VWA2: variants seen among roughly 807,000 people sequenced by gnomAD.
The protein encoded by VWA2 is von Willebrand factor A domain containing 2.
Under a neutral mutation model 70.4 loss-of-function variants are expected in VWA2, and 73 were observed. The ratio of observed to expected loss-of-function variants is 1.04; its 90% CI spans 0.86 to 1.26. VWA2 has a LOEUF of 1.26. Among genes scored for constraint, VWA2 ranks in the 50% most tolerant of loss-of-function variants. The pLI is 0.00. For missense variants in VWA2, 1,011 were observed against 998.5 expected, an observed-to-expected ratio of 1.01 and a Z score of -0.17; for synonymous variants, 407 against 423.3, an observed-to-expected ratio of 0.96 and a Z score of 0.47.
In VWA2 at chr10:114,289,300, G is replaced by A. The variant is rs144705004; in HGVS notation, c.1933G>A (p.Ala645Thr). Residue 645 changes from alanine (A) to threonine (T), a missense_variant, in exon 12 of 14, where the codon GCA (alanine) becomes ACA (threonine). Physicochemically the swap from Ala to Thr is moderately conservative, Grantham distance 58 (BLOSUM62 0). Transcript: ENST00000392982. ...AVVVLTGGRGAEDAAVPAQKL... is the reference protein window; with the variant it reads ...AVVVLTGGRGTEDAAVPAQKL... ...GGTGGTGCTCACAGGCGGGAGAGGC[G>A]CAGAGGATGCAGCCGTTCCTGCCCA... The A allele has an allele frequency of 5.4e-4, 869 of 1,613,980 alleles. 3 individuals are homozygous for A. In the African/African-American group the frequency reaches 8.9e-3, roughly 17 times the overall value.
Position 114,292,133 on chromosome 10 carries a change from C to T in VWA2, c.*896C>T, listed in dbSNP as rs1291172324. ...CTTTACTAAAAATACAAAAGGTAGC[C>T]GGGGGTGGTGGTGGATGCCTATAAT... On this transcript the variant is annotated 3_prime_UTR_variant, in exon 14 of 14. Coordinates refer to ENST00000392982, the MANE Select transcript of VWA2 (RefSeq NM_001272046.2). Among the ~76,000 whole-genome samples, 2 of 151,814 alleles carry T rather than the reference C, an allele frequency of 1.3e-5. No individual in the cohort carries two copies. The highest frequency in any genetic ancestry group is 2.1e-4 in the South Asian group (1 of 4,794).
intron 7 of VWA2, 108 bp from the exon 8 acceptor site, chr10:114,278,611 T>C: frequency 1.3e-6 from 2 of 1,504,956 alleles, no homozygotes; most frequent in Non-Finnish European, 1.8e-6. Flanking sequence ...AGCCTGGAAG[T>C]GTGGTGGAAC....
At chr10:114,267,034 A>G (rs556637387) in intron 5 of VWA2, among the ~76,000 whole-genome samples, 1 of 152,344 alleles carries the variant, frequency 6.6e-6, no homozygotes, top group South Asian at 2.1e-4. Context: ...CTAAAAGGTA[A>G]CATTTGATTC....
chr10:114,262,378 A>C lies in VWA2; in HGVS notation c.371+1083A>C, dbSNP rs138382983. Among the ~76,000 whole-genome samples, 555 of 151,852 alleles carry C rather than the reference A, an allele frequency of 3.7e-3. 6 individuals carry two copies. The highest frequency in any genetic ancestry group is 0.013 in the African/African-American group (518 of 41,424). ...TGCATATATACATATGCACATATTG[A>C]CACATACATGTATATACATACACAC... On this transcript the variant is annotated intron_variant, in intron 5 of 13. Transcript: ENST00000392982.
chr10:114,250,647 TG>T (rs2037175799), intron 2 of VWA2, among the ~76,000 whole-genome samples: 1 of 152,218 alleles, frequency 6.6e-6, no homozygotes, highest in African/African-American at 2.4e-5. Context: ...GAAATGCTGG[TG>T]GAAGTTGAGG....
In VWA2 at chr10:114,291,352, A is replaced by G. The variant is rs1011340980; in HGVS notation, c.*115A>G. The G allele has an allele frequency of 5.5e-6, 7 of 1,278,632 alleles. No individual in the cohort carries two copies. In the Admixed American group the frequency reaches 1.1e-4, roughly 21 times the overall value. 79.2% of individuals were successfully genotyped at this position (1,278,632 alleles called of 1,614,324 possible). A position where few individuals can be genotyped will look rare whatever the true frequency, so the allele number is the denominator to read the frequency against. Reference sequence around the variant, plus strand: ...TGGAATGTCTGTGCCCCAGGTCCTTAGAATGTCTGCTTCCCGCCGTGGCCA... The same window carrying G: ...TGGAATGTCTGTGCCCCAGGTCCTTGGAATGTCTGCTTCCCGCCGTGGCCA... On this transcript the variant is annotated 3_prime_UTR_variant, in exon 14 of 14. Coordinates refer to ENST00000392982, the MANE Select transcript of VWA2 (RefSeq NM_001272046.2).
chr10:114,268,299 C>A (rs1286635118), intron 5 of VWA2, among the ~76,000 whole-genome samples: 1 of 134,930 alleles, frequency 7.4e-6, no homozygotes, highest in Non-Finnish European at 1.5e-5. Flanking sequence ...AGTAGCTGAT[C>A]TGTGAACCTT....
At chr10:114,277,030 G>T (rs2037860327) in intron 6 of VWA2, among the ~76,000 whole-genome samples, 1 of 152,112 alleles carries the variant, frequency 6.6e-6, no homozygotes, top group African/African-American at 2.4e-5. Flanking sequence ...TGTTTTATGT[G>T]CATTCAGAGG....
Position 114,277,977 on chromosome 10 carries a change from G to C in VWA2, c.630G>C (p.Gln210His). Reference protein sequence around the residue: ...PRGQHVLLAEQVEDATNGLFS... With the variant: ...PRGQHVLLAEHVEDATNGLFS... ...GGCAGCACGTGCTGTTGGCTGAGCA[G>C]GTGGAGGATGCCACCAACGGCCTCT... is the stretch of plus-strand genomic sequence containing the variant. Residue 210 changes from glutamine (Q) to histidine (H), a missense_variant, in exon 7 of 14, where the codon CAG becomes CAC. Transcript: ENST00000392982. 1.9e-6 allele frequency: 3 copies of C among 1,613,122 alleles called. No homozygotes were observed. The South Asian group carries it at 3.3e-5, about 18-fold the overall frequency.
chr10:114,271,783 T>G (rs2037716262), intron 5 of VWA2, among the ~76,000 whole-genome samples: 1 of 152,222 alleles, frequency 6.6e-6, no homozygotes, highest in African/African-American at 2.4e-5. Context: ...CCATCTAGAA[T>G]CTGTGGTTAG....
intron 7 of VWA2, among the ~76,000 whole-genome samples, chr10:114,278,407 C>T (rs759022041): frequency 5.3e-5 from 8 of 152,162 alleles, no homozygotes; most frequent in East Asian, 3.9e-4. Context: ...GCATTCTAGT[C>T]GTCCTTGTCA....
intron 7 of VWA2, among the ~76,000 whole-genome samples, chr10:114,278,393 C>T (rs1269146557): frequency 6.6e-6 from 1 of 152,164 alleles, no homozygotes; most frequent in Non-Finnish European, 1.5e-5. Context: ...GGTGCGAGAT[C>T]CCTGCATTCT....
chr10:114,289,640 C>A, intron 12 of VWA2, 151 bp downstream of exon 12: 1 of 832,140 alleles, frequency 1.2e-6, no homozygotes, highest in East Asian at 2.5e-5. Context: ...CCCATGCTCA[C>A]ATAAAATCCT....
intron 1 of VWA2, chr10:114,246,814 A>G: frequency 1.1e-6 from 1 of 943,122 alleles, no homozygotes; most frequent in South Asian, 1.3e-5. Flanking sequence ...TGCTGCCCTC[A>G]ATCTAGAGCG....
chr10:114,246,723 G>T (rs143643305), intron 1 of VWA2: 1 of 1,528,254 alleles, frequency 6.5e-7, no homozygotes, highest in African/African-American at 1.4e-5. Flanking sequence ...CTTAGGAATC[G>T]TGCAGGGGGA....
At chr10:114,283,645 T>C (rs1247452249) in intron 9 of VWA2, among the ~76,000 whole-genome samples, 1 of 152,250 alleles carries the variant, frequency 6.6e-6, no homozygotes, top group Non-Finnish European at 1.5e-5. Flanking sequence ...GAGCTTCAGC[T>C]TCCTCATCTG....
At chr10:114,270,890 C>G (rs991657859) in intron 5 of VWA2, among the ~76,000 whole-genome samples, 1 of 152,212 alleles carries the variant, frequency 6.6e-6, no homozygotes, top group Non-Finnish European at 1.5e-5. Flanking sequence ...CTCCAGAACA[C>G]AGGTTACATT....
chr10:114,250,628 C>T (rs755052986), intron 2 of VWA2, among the ~76,000 whole-genome samples: 1 of 152,190 alleles, frequency 6.6e-6, no homozygotes, highest in Non-Finnish European at 1.5e-5. Context: ...TGGAACCTAG[C>T]GAGGATCAGA....
At chr10:114,244,544 G>A (rs1345337987) in intron 1 of VWA2, among the ~76,000 whole-genome samples, 1 of 152,228 alleles carries the variant, frequency 6.6e-6, no homozygotes, top group East Asian at 1.9e-4. Context: ...AAGACATGAA[G>A]GGCGGAGCCT....
Sources: allele counts gnomAD v4.1 joint callset (sites outside exome capture counted in the v4.1 genomes callset), GRCh38; gene constraint gnomAD v4.1.1; transcripts MANE v1.5; gene names NCBI Gene and HGNC (gene_info 2026-07-23, HGNC 2026-07-21).